The following PCNX2 variants were observed in gnomAD, a reference collection of about 807,000 sequenced individuals.
The protein encoded by PCNX2 is pecanex-like protein 2.
PCNX2 carries 168 observed loss-of-function variants against 223.8 expected under a neutral mutation model. The observed-to-expected ratio is 0.75, with a 90% CI of 0.66 to 0.85. The LOEUF (loss-of-function observed/expected upper bound fraction) is 0.85. Ranked by LOEUF, PCNX2 falls within the 40% of genes least tolerant of loss-of-function variation. The pLI, the probability that PCNX2 is intolerant of heterozygous loss-of-function variation, is 0.00. For missense variants in PCNX2, 2,507 were observed against 2,675.5 expected, an observed-to-expected ratio of 0.94 and a Z score of 1.39; for synonymous variants, 1,006 against 1,052.6, an observed-to-expected ratio of 0.96 and a Z score of 0.86.
intron 17 of PCNX2, among the ~76,000 whole-genome samples, chr1:233,173,577 A>C (rs75599238): frequency 0.013 from 1,966 of 152,354 alleles, 26 homozygotes; most frequent in South Asian, 0.037. Context: ...AGAATCATTT[A>C]TCAATGTTGG....
In PCNX2 at chr1:233,288,238, G is replaced by A. The variant is rs149492984; in HGVS notation, c.153+7088C>T. Among the ~76,000 whole-genome samples, 53 of 152,254 alleles carry A rather than the reference G, an allele frequency of 3.5e-4. 1 individual carries two copies. In the East Asian group the frequency reaches 9.4e-3, roughly 27 times the overall value. On this transcript the variant is annotated intron_variant, in intron 1 of 33. Transcript: ENST00000258229. ...CTACACAAAAGAAGTAACACCAAGT[G>A]AATTAGATTGTTCAATTAAAACAAA...
At chr1:233,216,171 C>T (rs1004693179) in intron 12 of PCNX2, among the ~76,000 whole-genome samples, 10 of 152,110 alleles carry the variant, frequency 6.6e-5, no homozygotes, top group Non-Finnish European at 1.0e-4. Flanking sequence ...GTCTACCTGG[C>T]GGTGAACTCG....
intron 25 of PCNX2, among the ~76,000 whole-genome samples, chr1:233,034,104 TG>T (rs1671363054): frequency 1.3e-5 from 2 of 152,072 alleles, no homozygotes; most frequent in East Asian, 3.9e-4. Flanking sequence ...ATCAGCTTCT[TG>T]GGGGGCTGAG....
At chr1:233,224,478 A>G (rs74147303) in intron 10 of PCNX2, among the ~76,000 whole-genome samples, 8,669 of 152,180 alleles carry the variant, frequency 0.057, 453 homozygotes, top group African/African-American at 0.14. Flanking sequence ...TATAGCAATG[A>G]TTACTGCAAT....
chr1:233,281,461 A>G (rs1661189359), intron 1 of PCNX2, among the ~76,000 whole-genome samples: 2 of 152,214 alleles, frequency 1.3e-5, no homozygotes, highest in South Asian at 4.1e-4. Context: ...AAGGTCCTTC[A>G]CAGTCCAAAG....
chr1:233,200,241 T>C lies in PCNX2; in HGVS notation c.2887A>G (p.Ile963Val), dbSNP rs772411156. Residue 963 changes from isoleucine to valine, a missense_variant, in exon 14 of 34, where the codon ATT becomes GTT. Ile to Val is a conservative substitution (Grantham distance 29, BLOSUM62 3). Transcript: ENST00000258229. ...LIVFLYCFPA[I>V]SLLGLFPQIN... ...TGCGGGAAGAGCCCAAGGAGGGAAATAGCAGGGAAGCAATATAAAAATACT... is the reference window on the plus strand; with the variant it reads ...TGCGGGAAGAGCCCAAGGAGGGAAACAGCAGGGAAGCAATATAAAAATACT... 1.1e-5 allele frequency: 17 copies of C among 1,583,354 alleles called. No individual in the cohort carries two copies. The highest frequency in any genetic ancestry group is 1.4e-5 in the Non-Finnish European group (16 of 1,163,880).
chr1:233,047,239 T>G, intron 25 of PCNX2: 2 of 444,332 alleles, frequency 4.5e-6, no homozygotes, highest in Non-Finnish European at 6.0e-6. Flanking sequence ...AACCACGAAG[T>G]TCTGTGGTGG....
At chr1:233,044,903 A>G (rs1449438154) in intron 25 of PCNX2, among the ~76,000 whole-genome samples, 1 of 152,158 alleles carries the variant, frequency 6.6e-6, no homozygotes, top group Non-Finnish European at 1.5e-5. Context: ...TCCTGACCTC[A>G]GGTGATCCAC....
Position 232,984,138 on chromosome 1 carries a change from A to G in PCNX2, c.*166T>C. The G allele has an allele frequency of 3.9e-6, 1 of 254,200 alleles. No individual in the cohort carries two copies. Among genetic ancestry groups the G allele is most frequent in the East Asian group, 6.7e-5 (1 of 14,908 alleles). 15.7% of individuals were successfully genotyped at this position (254,200 alleles called of 1,614,324 possible). A position where few individuals can be genotyped will look rare whatever the true frequency, so the allele number is the denominator to read the frequency against. On this transcript the variant is annotated 3_prime_UTR_variant, in exon 34 of 34. Transcript: ENST00000258229. ...TTTTTTTTTTTTTTTTTTTTTTTCA[A>G]AAACCTGAGATCAGTTCTGTGTTCT...
At chr1:233,114,563 T>C (rs934977620) in intron 21 of PCNX2, among the ~76,000 whole-genome samples, 12 of 152,212 alleles carry the variant, frequency 7.9e-5, no homozygotes, top group African/African-American at 2.9e-4. Context: ...ACGTTTGGTT[T>C]CTGCTGTGGC....
chr1:233,125,964 C>A (rs1042668611), intron 21 of PCNX2: 6 of 152,290 alleles, frequency 3.9e-5, no homozygotes, highest in South Asian at 2.1e-4. Context: ...AATCCCAGCA[C>A]TTTGGGAGGC....
At chr1:233,143,598 T>C (rs1171874455) in intron 19 of PCNX2, among the ~76,000 whole-genome samples, 2 of 152,162 alleles carry the variant, frequency 1.3e-5, no homozygotes, top group African/African-American at 4.8e-5. Context: ...TGACGAGTCC[T>C]ACAAGTGATT....
intron 23 of PCNX2, among the ~76,000 whole-genome samples, chr1:233,065,093 AT>A (rs368606170): frequency 1.7e-3 from 265 of 152,164 alleles, no homozygotes; most frequent in African/African-American, 6.1e-3. Context: ...CTGAATCAAC[AT>A]TTTTTCTCTC....
chr1:233,118,918 T>A (rs1675587021), intron 21 of PCNX2, among the ~76,000 whole-genome samples: 1 of 152,050 alleles, frequency 6.6e-6, no homozygotes, highest in Non-Finnish European at 1.5e-5. Context: ...TGGGAAAAAA[T>A]AAAGTGGGAA....
At chr1:233,050,190 A>T (rs565220346) in intron 25 of PCNX2, among the ~76,000 whole-genome samples, 4 of 152,202 alleles carry the variant, frequency 2.6e-5, no homozygotes, top group Middle Eastern at 3.4e-3. Context: ...ATATCTATGT[A>T]ACAAACCTGC....
chr1:233,060,834 CAGA>C (rs1196288091), intron 23 of PCNX2, among the ~76,000 whole-genome samples: 1 of 152,148 alleles, frequency 6.6e-6, no homozygotes, highest in Non-Finnish European at 1.5e-5. Context: ...CTGAGCACTA[CAGA>C]ACAAGAGTCG....
At chr1:233,072,122 T>G (rs1672884879) in intron 23 of PCNX2, among the ~76,000 whole-genome samples, 1 of 152,256 alleles carries the variant, frequency 6.6e-6, no homozygotes, top group South Asian at 2.1e-4. Flanking sequence ...TAGTTTCTTT[T>G]GCTGTGCAGA....
intron 12 of PCNX2, among the ~76,000 whole-genome samples, chr1:233,212,165 T>C (rs1002701406): frequency 2.6e-5 from 4 of 152,212 alleles, no homozygotes; most frequent in African/African-American, 9.6e-5. Context: ...TGCTCTTTGG[T>C]TCCCCTTGTA....
At chr1:233,208,463 G>A in intron 13 of PCNX2, 55 bp downstream of exon 13, 11 of 1,523,120 alleles carry the variant, frequency 7.2e-6, no homozygotes, top group Non-Finnish European at 9.9e-6. Flanking sequence ...GAAGACAAAG[G>A]GGAGACATAC....
Sources: allele counts gnomAD v4.1 joint callset (sites outside exome capture counted in the v4.1 genomes callset), GRCh38; gene constraint gnomAD v4.1.1; transcripts MANE v1.5; gene names NCBI Gene and HGNC (gene_info 2026-07-23, HGNC 2026-07-21).